Variants in PNKD observed in about 807,000 individuals in gnomAD.
PNKD encodes the protein probable thioesterase PNKD.
A neutral mutation model predicts 45.3 loss-of-function variants in PNKD; 36 were observed. That is an observed-to-expected ratio of 0.80 (90% confidence interval 0.61 to 1.05). The LOEUF (loss-of-function observed/expected upper bound fraction) is 1.05, where lower values mean the gene tolerates loss of function less well. Among genes scored for constraint, PNKD ranks in the 50% least tolerant of loss-of-function variants. The pLI is 0.00. For synonymous variants in PNKD, 197 were observed against 210.1 expected, an observed-to-expected ratio of 0.94 and a Z score of 0.54; for missense variants, 511 against 506.6, an observed-to-expected ratio of 1.01 and a Z score of -0.08.
intron 2 of PNKD, among the ~76,000 whole-genome samples, chr2:218,334,089 C>T (rs1016127331): frequency 4.6e-5 from 7 of 151,116 alleles, no homozygotes; most frequent in East Asian, 1.9e-4. Context: ...CACTCCTGCC[C>T]GGATGACAGA....
chr2:218,312,877 AAAAC>A (rs1693658022), intron 2 of PNKD, among the ~76,000 whole-genome samples: 1 of 152,088 alleles, frequency 6.6e-6, no homozygotes. Context: ...CACCTTAAAA[AAAAC>A]AAACAAAAAA....
intron 2 of PNKD, among the ~76,000 whole-genome samples, chr2:218,273,766 G>A (rs980456378): frequency 4.6e-5 from 7 of 151,716 alleles, no homozygotes; most frequent in Admixed American, 4.6e-4. Flanking sequence ...CCAAAGTGCT[G>A]GAGTTACAGG....
At chr2:218,282,975 T>C (rs1692181765) in intron 2 of PNKD, among the ~76,000 whole-genome samples, 1 of 152,026 alleles carries the variant, frequency 6.6e-6, no homozygotes, top group African/African-American at 2.4e-5. Context: ...AGAGAGTGAG[T>C]GCACGGCCCC....
chr2:218,305,177 G>A (rs1423323376), intron 2 of PNKD, among the ~76,000 whole-genome samples: 4 of 152,082 alleles, frequency 2.6e-5, no homozygotes, highest in Admixed American at 2.6e-4. Context: ...GTGCTCAGTA[G>A]ACAGTCTACA....
intron 2 of PNKD, among the ~76,000 whole-genome samples, chr2:218,339,284 A>G (rs2106292192): frequency 6.6e-6 from 1 of 151,870 alleles, no homozygotes; most frequent in East Asian, 2.0e-4. Context: ...TTTTAGACAG[A>G]GTCTCACTCT....
chr2:218,319,371 C>CTTTTT (rs35553031), intron 2 of PNKD, among the ~76,000 whole-genome samples: 28 of 80,190 alleles, frequency 3.5e-4, no homozygotes, highest in South Asian at 5.0e-4. Context: ...TCTTGTTTGT[C>CTTTTT]TTTTTTTTTT....
At chr2:218,286,465 C>T (rs752574578) in intron 2 of PNKD, 2 of 152,132 alleles carry the variant, frequency 1.3e-5, no homozygotes, top group Non-Finnish European at 2.9e-5. Context: ...CTATCCTTGC[C>T]CATTATAGAT....
At chr2:218,344,377 C>A in intron 8 of PNKD, 78 bp from the exon 9 acceptor site, 22 of 1,079,018 alleles carry the variant, frequency 2.0e-5, no homozygotes, top group Non-Finnish European at 3.1e-5. Context: ...TCAGCCTGGA[C>A]CTGGGGCAGG....
At chr2:218,275,417 C>G (rs955509545) in intron 2 of PNKD, 1 of 1,572,334 alleles carries the variant, frequency 6.4e-7, no homozygotes, top group Non-Finnish European at 8.6e-7. Flanking sequence ...GTCATAGGGC[C>G]CAGCCCTCTA....
At chr2:218,271,793 C>T (rs1480487753) in intron 2 of PNKD, among the ~76,000 whole-genome samples, 1 of 152,138 alleles carries the variant, frequency 6.6e-6, no homozygotes, top group African/African-American at 2.4e-5. Flanking sequence ...GGGTCCCTGG[C>T]CTCATCCTCC....
rs573728693 is a variant in PNKD, at chr2:218,340,649, G to C, written c.466-79G>C. 1.0e-6 allele frequency: 1 copy of C among 992,998 alleles called. No homozygotes were observed. Among genetic ancestry groups the C allele is most frequent in the East Asian group, 2.4e-5 (1 of 42,102 alleles). The allele number at this position is 992,998 out of a possible 1,614,324, so 61.5% of individuals were successfully genotyped here. On this transcript the variant is annotated intron_variant, in intron 4 of 9. Transcript: ENST00000273077. The surrounding 1 kb of genome is among the most constrained non-coding windows in gnomAD (Gnocchi z 4.2). Reference sequence around the variant, plus strand: ...ATGCTCTCCTCTCCTCTCCACCAGCGCCCACACTCCTGGCTCTTGCTGCTT... The same window carrying C: ...ATGCTCTCCTCTCCTCTCCACCAGCCCCCACACTCCTGGCTCTTGCTGCTT...
At chr2:218,327,023 G>A (rs914831219) in intron 2 of PNKD, 4 of 152,994 alleles carry the variant, frequency 2.6e-5, no homozygotes, top group African/African-American at 9.7e-5. Flanking sequence ...CCTTCTTAGG[G>A]GTAGTGGTGG....
At chr2:218,276,036 C>T in intron 2 of PNKD, 1 of 1,612,620 alleles carries the variant, frequency 6.2e-7, no homozygotes, top group Non-Finnish European at 8.5e-7. Context: ...CAGGGTGAAA[C>T]AAATGGCCCC....
At position 218,340,906 on chromosome 2, in the gene PNKD, C is replaced by T. The variant is rs150024972; in HGVS notation, c.524+120C>T. The T allele has an allele frequency of 4.6e-3, 3,707 of 808,428 alleles. 82 individuals carry two copies. In the African/African-American group the frequency reaches 0.053, roughly 12 times the overall value. The allele number at this position is 808,428 out of a possible 1,614,324, so 50.1% of individuals were successfully genotyped here. ...GTCAGTACGGGCCGGCACCCGCCTT[C>T]CTCGTGAAGTCACCTGGACACCAGC... On this transcript the variant is annotated intron_variant, in intron 5 of 9. Transcript: ENST00000273077. This position sits in a 1 kb window ranked among gnomAD's most constrained non-coding sequence, Gnocchi z 4.2.
intron 2 of PNKD, among the ~76,000 whole-genome samples, chr2:218,324,997 CT>C (rs1167758595): frequency 0.013 from 833 of 62,672 alleles, 8 homozygotes; most frequent in Non-Finnish European, 0.019. Context: ...AAATAATTTT[CT>C]TTTTTTTTTT....
At chr2:218,288,224 C>T (rs1407243522) in intron 2 of PNKD, among the ~76,000 whole-genome samples, 2 of 152,120 alleles carry the variant, frequency 1.3e-5, no homozygotes, top group Admixed American at 6.5e-5. Flanking sequence ...GTCAGGAGAT[C>T]GAGACCATCC....
At position 218,326,060 on chromosome 2, in the gene PNKD, G is replaced by C. The variant is rs1694146990; in HGVS notation, c.237-13723G>C. ...GCTAGGGGTGCCTCCAGGAAGGATG[G>C]GGAGGGAGGGGGAACGGAATGGGAC... On this transcript the variant is annotated intron_variant, in intron 2 of 9. Transcript: ENST00000273077. This position sits in a 1 kb window ranked among gnomAD's most constrained non-coding sequence, Gnocchi z 4.1. Among the ~76,000 whole-genome samples the C allele has an allele frequency of 6.6e-6, 1 of 151,914 alleles. No individual in the cohort carries two copies. The highest frequency in any genetic ancestry group is 1.5e-5 in the Non-Finnish European group (1 of 67,986).
At chr2:218,331,494 G>T (rs1310154774) in intron 2 of PNKD, among the ~76,000 whole-genome samples, 1 of 151,690 alleles carries the variant, frequency 6.6e-6, no homozygotes, top group African/African-American at 2.4e-5. Flanking sequence ...TATTTTAGAG[G>T]GAGTCTTGCT....
chr2:218,333,620 G>T (rs909932558), intron 2 of PNKD, among the ~76,000 whole-genome samples: 17 of 152,144 alleles, frequency 1.1e-4, no homozygotes, highest in African/African-American at 3.9e-4. Context: ...AACCTCATCT[G>T]TGAAACTCAT....
Sources: allele counts gnomAD v4.1 joint callset (sites outside exome capture counted in the v4.1 genomes callset), GRCh38; gene constraint gnomAD v4.1.1; non-coding constraint Gnocchi (gnomAD v3.1); transcripts MANE v1.5; gene names NCBI Gene and HGNC (gene_info 2026-07-23, HGNC 2026-07-21).